Variants in TYW1B observed in about 807,000 individuals in gnomAD.
TYW1B encodes S-adenosyl-L-methionine-dependent tRNA 4-demethylwyosine synthase TYW1B.
A neutral mutation model predicts 86.9 loss-of-function variants in TYW1B; 73 were observed. That is an observed-to-expected ratio of 0.84 (90% CI 0.70 to 1.02). TYW1B has a LOEUF of 1.02. Among genes scored for constraint, TYW1B ranks in the 50% least tolerant of loss-of-function variants. The pLI is 0.00. For missense variants in TYW1B, 637 were observed against 827.4 expected (o/e 0.77, Z 2.82); for synonymous variants, 248 against 292.8 (o/e 0.85, Z 1.56).
At position 72,754,151 on chromosome 7, in the gene TYW1B, T is replaced by C. The variant is rs184415004; in HGVS notation, c.965-9550A>G. ...TACTTCTGTTGTTTGTTTTTTGTTTTGGTTTTGAGATGGAGTCTCGCTCTG... is the reference window on the plus strand; with the variant it reads ...TACTTCTGTTGTTTGTTTTTTGTTTCGGTTTTGAGATGGAGTCTCGCTCTG... On this transcript the variant is annotated intron_variant, in intron 7 of 13. Coordinates refer to ENST00000620995, the MANE Select transcript of TYW1B (RefSeq NM_001145440.3). Among the ~76,000 whole-genome samples, 7 of 152,304 alleles carry C rather than the reference T, an allele frequency of 4.6e-5. No individual in the cohort carries two copies. In the East Asian group the frequency reaches 1.4e-3, roughly 29 times the overall value.
At chr7:72,807,837 C>A (rs530328659) in intron 4 of TYW1B, among the ~76,000 whole-genome samples, 2 of 152,084 alleles carry the variant, frequency 1.3e-5, no homozygotes, top group Non-Finnish European at 2.9e-5. Flanking sequence ...AGCTGAGGAA[C>A]AGGGGTTATC....
intron 13 of TYW1B, among the ~76,000 whole-genome samples, chr7:72,595,741 TAATAA>T (rs1334827631): frequency 1.3e-5 from 2 of 152,024 alleles, no homozygotes; most frequent in Non-Finnish European, 2.9e-5. Flanking sequence ...GCATCAAAAA[TAATAA>T]AATACTTCAA....
intron 11 of TYW1B, among the ~76,000 whole-genome samples, chr7:72,665,995 A>C (rs1813453518): frequency 6.6e-6 from 1 of 152,250 alleles, no homozygotes; most frequent in Non-Finnish European, 1.5e-5. Flanking sequence ...GAAATAGAGC[A>C]AGATTCTATC....
In TYW1B at chr7:72,596,896, AT is replaced by A. The variant is rs552604230; in HGVS notation, c.1785+19775del. Among the ~76,000 whole-genome samples, 14 of 149,482 alleles carry A rather than the reference AT, an allele frequency of 9.4e-5. 1 individual carries two copies. The South Asian group carries it at 2.7e-3, about 29-fold the overall frequency. ...TATCTGGTAAGGGATACTACCCAAA[AT>A]ATATAGAGAATGCCTAAAACTCAAC... On this transcript the variant is annotated intron_variant, in intron 13 of 13. Coordinates refer to ENST00000620995, the MANE Select transcript of TYW1B (RefSeq NM_001145440.3).
chr7:72,791,670 G>A (rs572688926), intron 6 of TYW1B, among the ~76,000 whole-genome samples: 14 of 152,220 alleles, frequency 9.2e-5, no homozygotes, highest in Admixed American at 2.6e-4. Flanking sequence ...CCAGCTACTC[G>A]GGAGGCTAAA....
intron 11 of TYW1B, among the ~76,000 whole-genome samples, chr7:72,642,345 T>G (rs746648696): frequency 6.6e-6 from 1 of 152,206 alleles, no homozygotes; most frequent in African/African-American, 2.4e-5. Context: ...AAAGATACAA[T>G]GGACTTTTCA....
intron 13 of TYW1B, among the ~76,000 whole-genome samples, chr7:72,613,401 CTTT>C (rs71517349): frequency 1.2e-5 from 1 of 80,966 alleles, no homozygotes; most frequent in African/African-American, 5.3e-5. Context: ...TTTATATCTT[CTTT>C]TTTTTTTTTT....
At chr7:72,778,525 C>T (rs534208664) in intron 6 of TYW1B, among the ~76,000 whole-genome samples, 2 of 152,206 alleles carry the variant, frequency 1.3e-5, no homozygotes, top group Non-Finnish European at 2.9e-5. Flanking sequence ...TCTTGGCTCA[C>T]TGCAAACACC....
intron 11 of TYW1B, among the ~76,000 whole-genome samples, chr7:72,687,619 A>G (rs1407946503): frequency 6.6e-6 from 1 of 152,188 alleles, no homozygotes; most frequent in African/African-American, 2.4e-5. Context: ...GAAATCAGAC[A>G]CAAAGGCATA....
intron 6 of TYW1B, among the ~76,000 whole-genome samples, chr7:72,797,864 C>T (rs1788330800): frequency 6.6e-6 from 1 of 152,142 alleles, no homozygotes; most frequent in Non-Finnish European, 1.5e-5. Flanking sequence ...GGACTCTGCC[C>T]TAAACATGTC....
At chr7:72,721,400 C>T (rs1786899183) in intron 9 of TYW1B, among the ~76,000 whole-genome samples, 1 of 152,130 alleles carries the variant, frequency 6.6e-6, no homozygotes, top group African/African-American at 2.4e-5. Flanking sequence ...ACATCCTCTC[C>T]AGCACCTGTT....
At chr7:72,731,752 G>A (rs1454821303) in intron 8 of TYW1B, among the ~76,000 whole-genome samples, 1 of 152,134 alleles carries the variant, frequency 6.6e-6, no homozygotes, top group African/African-American at 2.4e-5. Context: ...GACCAGCCTG[G>A]CCAACACGGT....
chr7:72,662,117 C>T (rs1813342073), intron 11 of TYW1B, among the ~76,000 whole-genome samples: 1 of 152,132 alleles, frequency 6.6e-6, no homozygotes, highest in African/African-American at 2.4e-5. Context: ...GGACCTACAA[C>T]CTGGGAATTC....
intron 6 of TYW1B, among the ~76,000 whole-genome samples, chr7:72,796,959 A>G (rs189667453): frequency 8.9e-4 from 92 of 102,918 alleles, no homozygotes; most frequent in African/African-American, 2.7e-3. Context: ...ACGTACCACT[A>G]TGCCCAGCTA....
Position 72,587,751 on chromosome 7 carries a change from T to C in TYW1B, c.1786-12032A>G, listed in dbSNP as rs573852557. On this transcript the variant is annotated intron_variant, in intron 13 of 13. Transcript: ENST00000620995. Reference sequence around the variant, plus strand: ...AGTCCTACAAACGCCATCGGGTCCCTAGCAAGAAGGAGGTTTGTTTTAGGG... The same window carrying C: ...AGTCCTACAAACGCCATCGGGTCCCCAGCAAGAAGGAGGTTTGTTTTAGGG... Among the ~76,000 whole-genome samples the C allele has an allele frequency of 1.3e-4, 20 of 152,350 alleles. No homozygotes were observed. The South Asian group carries it at 3.9e-3, about 30-fold the overall frequency.
At chr7:72,611,139 G>C (rs1480927255) in intron 13 of TYW1B, among the ~76,000 whole-genome samples, 1 of 152,076 alleles carries the variant, frequency 6.6e-6, no homozygotes, top group Non-Finnish European at 1.5e-5. Flanking sequence ...CATCATTTAA[G>C]ATCCAGTTAA....
At chr7:72,806,239 T>G (rs559020632) in intron 5 of TYW1B, among the ~76,000 whole-genome samples, 1 of 8,074 alleles carries the variant, frequency 1.2e-4, no homozygotes, top group South Asian at 3.3e-3. Flanking sequence ...GTGTGTGGGT[T>G]TTTTTTTTTT....
At chr7:72,701,074 AAAAAG>A (rs1554452465) in intron 10 of TYW1B, among the ~76,000 whole-genome samples, 2 of 152,148 alleles carry the variant, frequency 1.3e-5, no homozygotes, top group East Asian at 1.9e-4. Context: ...AGAAAAAAAA[AAAAAG>A]AAAAGAAAAT....
At chr7:72,748,722 A>T (rs1563080977) in intron 7 of TYW1B, among the ~76,000 whole-genome samples, 1 of 151,358 alleles carries the variant, frequency 6.6e-6, no homozygotes, top group Non-Finnish European at 1.5e-5. Context: ...AGCATGTTTG[A>T]TATGGTGGAT....
Sources: allele counts gnomAD v4.1 joint callset (sites outside exome capture counted in the v4.1 genomes callset), GRCh38; gene constraint gnomAD v4.1.1; transcripts MANE v1.5; gene names NCBI Gene and HGNC (gene_info 2026-07-23, HGNC 2026-07-21).